The following SUCLG2 variants were observed in gnomAD, a reference collection of about 807,000 sequenced individuals.
SUCLG2 encodes succinate-CoA ligase GDP-forming subunit beta, also known as succinate--CoA ligase [GDP-forming] subunit beta, mitochondrial.
A neutral mutation model predicts 47.9 loss-of-function variants in SUCLG2; 42 were observed. That is an observed-to-expected ratio of 0.88 (90% confidence interval 0.69 to 1.14). The LOEUF is 1.14. SUCLG2 is among the 50% of genes most tolerant of loss of function. The pLI is 0.00. For missense variants in SUCLG2, 571 were observed against 525.9 expected (o/e 1.09, Z -0.84); for synonymous variants, 195 against 197.3 (o/e 0.99, Z 0.10).
intron 9 of SUCLG2, among the ~76,000 whole-genome samples, chr3:67,406,384 A>C (rs1702809073): frequency 1.3e-5 from 2 of 152,214 alleles, no homozygotes; most frequent in African/African-American, 4.8e-5. Flanking sequence ...ACTGCAAACC[A>C]CGATAATAGT....
chr3:67,495,683 TG>T, intron 9 of SUCLG2, 114 bp downstream of exon 9: 1 of 1,153,946 alleles, frequency 8.7e-7, no homozygotes, highest in Non-Finnish European at 1.2e-6. Context: ...AAGTTGCATC[TG>T]GGGCTGCAGA....
At chr3:67,634,676 T>C (rs1700978911) in intron 1 of SUCLG2, among the ~76,000 whole-genome samples, 2 of 152,224 alleles carry the variant, frequency 1.3e-5, no homozygotes, top group Admixed American at 6.5e-5. Context: ...TAAAGGTTCA[T>C]TCAATCTTTG....
At chr3:67,407,547 A>C (rs1702842447) in intron 9 of SUCLG2, among the ~76,000 whole-genome samples, 1 of 152,162 alleles carries the variant, frequency 6.6e-6, no homozygotes, top group Non-Finnish European at 1.5e-5. Context: ...AAAATAGAAA[A>C]CTTTCAGAGT....
intron 2 of SUCLG2, among the ~76,000 whole-genome samples, chr3:67,564,857 T>C (rs1301912205): frequency 6.6e-6 from 1 of 152,246 alleles, no homozygotes; most frequent in Non-Finnish European, 1.5e-5. Context: ...AAAGGTATCA[T>C]ATTTTTAAAA....
intron 2 of SUCLG2, among the ~76,000 whole-genome samples, chr3:67,550,307 A>T (rs1706979485): frequency 6.6e-6 from 1 of 152,138 alleles, no homozygotes; most frequent in African/African-American, 2.4e-5. Context: ...TAAGATCTAT[A>T]AACAGGATTG....
intron 10 of SUCLG2, among the ~76,000 whole-genome samples, chr3:67,393,334 C>T (rs1372431116): frequency 3.9e-5 from 6 of 152,186 alleles, no homozygotes; most frequent in South Asian, 2.1e-4. Flanking sequence ...TGCGCTTTTC[C>T]GACGGGCTTA....
intron 4 of SUCLG2, 79 bp from the exon 5 acceptor site, chr3:67,520,713 C>T (rs926464187): frequency 1.5e-5 from 23 of 1,490,130 alleles, no homozygotes; most frequent in Admixed American, 4.3e-5. Flanking sequence ...ACTTGCTACA[C>T]GAATCAAATG....
intron 2 of SUCLG2, among the ~76,000 whole-genome samples, chr3:67,592,616 T>C (rs1241261189): frequency 6.7e-6 from 1 of 150,100 alleles, no homozygotes; most frequent in East Asian, 2.0e-4. Flanking sequence ...CCCCAAATAG[T>C]CTGGGGAATA....
chr3:67,433,809 A>G (rs1218040791), intron 9 of SUCLG2, among the ~76,000 whole-genome samples: 1 of 152,166 alleles, frequency 6.6e-6, no homozygotes, highest in Non-Finnish European at 1.5e-5. Flanking sequence ...AGTAAAAAAA[A>G]AAAAAAACTT....
At chr3:67,418,268 T>C (rs549315570) in intron 9 of SUCLG2, among the ~76,000 whole-genome samples, 132 of 152,346 alleles carry the variant, frequency 8.7e-4, no homozygotes, top group African/African-American at 3.0e-3. Flanking sequence ...TAAGTACTTA[T>C]TAGCAGTCAG....
chr3:67,578,767 T>C (rs1002515027), intron 2 of SUCLG2, among the ~76,000 whole-genome samples: 7 of 152,174 alleles, frequency 4.6e-5, no homozygotes, highest in Non-Finnish European at 7.3e-5. Context: ...TCTGCAGGCT[T>C]TTTCTGACTC....
chr3:67,364,503 A>C (rs184679048), intron 10 of SUCLG2, among the ~76,000 whole-genome samples: 2 of 151,960 alleles, frequency 1.3e-5, no homozygotes, highest in Admixed American at 1.3e-4. Flanking sequence ...GTGCAGCACT[A>C]GGCATTCCTT....
intron 9 of SUCLG2, among the ~76,000 whole-genome samples, chr3:67,443,394 G>C (rs1249598896): frequency 1.4e-5 from 1 of 69,118 alleles, no homozygotes; most frequent in South Asian, 6.4e-4. Context: ...GACGGGCCCC[G>C]CGGGGCCCGA....
At chr3:67,535,796 A>T (rs1186089383) in intron 2 of SUCLG2, among the ~76,000 whole-genome samples, 1 of 152,120 alleles carries the variant, frequency 6.6e-6, no homozygotes, top group Non-Finnish European at 1.5e-5. Context: ...GTCTGTCACT[A>T]CCTAATCACA....
intron 10 of SUCLG2, among the ~76,000 whole-genome samples, chr3:67,393,304 G>A (rs1010832364): frequency 6.6e-6 from 1 of 152,194 alleles, no homozygotes; most frequent in Non-Finnish European, 1.5e-5. Flanking sequence ...TGGAAAATCG[G>A]GTCACTCCCA....
At chr3:67,648,633 T>TAA (rs772105852) in intron 1 of SUCLG2, among the ~76,000 whole-genome samples, 41 of 152,320 alleles carry the variant, frequency 2.7e-4, no homozygotes, top group Middle Eastern at 3.4e-3. Context: ...AGTGATGTTG[T>TAA]AAGGGTTAAA....
chr3:67,373,774 TTTCTC>T (rs1701985361), downstream of SUCLG2, among the ~76,000 whole-genome samples: 1 of 152,156 alleles, frequency 6.6e-6, no homozygotes, highest in Admixed American at 6.5e-5. Flanking sequence ...TCCCTCTCTC[TTTCTC>T]TTCTGAGGAT....
chr3:67,363,480 G>A (rs1366684910), intron 10 of SUCLG2, among the ~76,000 whole-genome samples: 1 of 152,076 alleles, frequency 6.6e-6, no homozygotes, highest in Non-Finnish European at 1.5e-5. Flanking sequence ...AGGTGATGGT[G>A]GCTAGAAAAA....
chr3:67,450,794 G>A (rs1234611240), intron 9 of SUCLG2, among the ~76,000 whole-genome samples: 5 of 152,174 alleles, frequency 3.3e-5, no homozygotes, highest in Admixed American at 2.0e-4. Context: ...GCCCATCCCA[G>A]AAGGCTTGCT....
Sources: allele counts gnomAD v4.1 joint callset (sites outside exome capture counted in the v4.1 genomes callset), GRCh38; gene constraint gnomAD v4.1.1; transcripts MANE v1.5; gene names NCBI Gene and HGNC (gene_info 2026-07-23, HGNC 2026-07-21).